The following ADGRL2 variants were observed in gnomAD, a reference collection of about 807,000 sequenced individuals.
The protein encoded by ADGRL2 is adhesion G protein-coupled receptor L2, also known as calcium-independent alpha-latrotoxin receptor 2.
Under a neutral mutation model 157.4 loss-of-function variants are expected in ADGRL2, and 44 were observed. The ratio of observed to expected loss-of-function variants is 0.28; its 90% CI spans 0.22 to 0.36. ADGRL2 has a LOEUF of 0.36. ADGRL2 is among the 10% of genes least tolerant of loss of function. The probability of loss-of-function intolerance (pLI) is 1.00; values close to 1 mark genes in which losing one functional copy is unlikely to be tolerated. For missense variants in ADGRL2, 1,510 were observed against 1,768.9 expected (o/e 0.85, Z 2.63); for synonymous variants, 585 against 624.7 (o/e 0.94, Z 0.95).
intron 3 of ADGRL2, among the ~76,000 whole-genome samples, chr1:81,628,376 G>A (rs999441167): frequency 6.6e-6 from 1 of 152,116 alleles, no homozygotes; most frequent in African/African-American, 2.4e-5. Context: ...TGGATACTTA[G>A]TAATATTTTC....
intron 2 of ADGRL2, among the ~76,000 whole-genome samples, chr1:81,782,471 T>C (rs1256310789): frequency 1.3e-5 from 2 of 152,238 alleles, no homozygotes; most frequent in Non-Finnish European, 2.9e-5. Context: ...AACTATTTCC[T>C]GCATTAGAAC....
chr1:81,563,401 G>T (rs1183351386), intron 2 of ADGRL2, among the ~76,000 whole-genome samples: 1 of 152,104 alleles, frequency 6.6e-6, no homozygotes, highest in African/African-American at 2.4e-5. Flanking sequence ...AACATTTGGG[G>T]TTAATTACCA....
intron 2 of ADGRL2, among the ~76,000 whole-genome samples, chr1:81,881,723 A>G (rs2093993684): frequency 6.6e-6 from 1 of 152,094 alleles, no homozygotes; most frequent in Non-Finnish European, 1.5e-5. Flanking sequence ...GCACCACATA[A>G]TTGAGTATTT....
chr1:81,727,748 A>G (rs570833644), intron 1 of ADGRL2, among the ~76,000 whole-genome samples: 3 of 152,172 alleles, frequency 2.0e-5, no homozygotes, highest in African/African-American at 7.2e-5. Flanking sequence ...CAATTTTTAC[A>G]TAATCATATG....
intron 3 of ADGRL2, among the ~76,000 whole-genome samples, chr1:81,635,765 G>C (rs1228485592): frequency 1.3e-5 from 2 of 152,124 alleles, no homozygotes; most frequent in East Asian, 1.9e-4. Flanking sequence ...GTGGATTTGT[G>C]GGGGGCACAT....
chr1:81,349,879 CA>C lies in ADGRL2; in HGVS notation c.-302+43377del, dbSNP rs574778953. ...GGAGGGAAAAAAAATCAAACAACAA[CA>C]AAAAAATACATTCTACAAACCTGCT... On this transcript the variant is annotated intron_variant, in intron 1 of 24. Transcript: ENST00000370721. 3.9e-5 allele frequency among the ~76,000 whole-genome samples: 6 copies of C among 152,030 alleles called. No homozygotes were observed. In the South Asian group the frequency reaches 1.2e-3, roughly 32 times the overall value.
chr1:81,736,256 A>G (rs538951594), intron 1 of ADGRL2, among the ~76,000 whole-genome samples: 3 of 152,190 alleles, frequency 2.0e-5, no homozygotes, highest in Non-Finnish European at 1.5e-5. Flanking sequence ...GTTATAATGA[A>G]TTAATGATTT....
chr1:81,506,433 G>A (rs2078977192), intron 2 of ADGRL2: 1 of 152,246 alleles, frequency 6.6e-6, no homozygotes, highest in African/African-American at 2.4e-5. Context: ...TGTTGGCCAG[G>A]CGCGGTGTAT....
At chr1:81,681,860 A>G (rs938943742) in intron 3 of ADGRL2, among the ~76,000 whole-genome samples, 7 of 152,160 alleles carry the variant, frequency 4.6e-5, no homozygotes, top group African/African-American at 1.7e-4. Context: ...CACGTCTTTA[A>G]CAGAATAGTC....
intron 3 of ADGRL2, among the ~76,000 whole-genome samples, chr1:81,907,779 T>C (rs1450695497): frequency 2.6e-5 from 4 of 152,164 alleles, no homozygotes; most frequent in East Asian, 1.9e-4. Flanking sequence ...TGAACCCACA[T>C]TGACACATAA....
chr1:81,469,476 C>G (rs2078126196), intron 2 of ADGRL2, among the ~76,000 whole-genome samples: 1 of 152,178 alleles, frequency 6.6e-6, no homozygotes, highest in South Asian at 2.1e-4. Context: ...TATACTCTTT[C>G]ATCCCCTAAA....
rs146555951 is a variant in ADGRL2 at position 81,614,097 on chromosome 1, G to A, written c.-143+33117G>A. Among the ~76,000 whole-genome samples the A allele has an allele frequency of 4.9e-4, 75 of 152,236 alleles. 1 individual carries two copies. The highest frequency in any genetic ancestry group is 1.6e-3 in the African/African-American group (67 of 41,542). ...TTCCACTTAGTTCAATACGGCAATT[G>A]TTATTGGCATAATACCTCTAAACTC... On this transcript the variant is annotated intron_variant, in intron 3 of 24. Coordinates refer to the ADGRL2 transcript ENST00000370721.
At chr1:81,572,066 A>T (rs1482525870) in intron 2 of ADGRL2, among the ~76,000 whole-genome samples, 5 of 152,260 alleles carry the variant, frequency 3.3e-5, no homozygotes, top group Non-Finnish European at 7.3e-5. Context: ...GAAAAATTAT[A>T]GAATAGAATG....
In ADGRL2 at chr1:81,465,269, A is replaced by C. The variant is rs368468297; in HGVS notation, c.-248+20180A>C. 1.7e-4 allele frequency among the ~76,000 whole-genome samples: 26 copies of C among 152,284 alleles called. No individual in the cohort carries two copies. In the East Asian group the frequency reaches 1.9e-3, roughly 11 times the overall value. On this transcript the variant is annotated intron_variant, in intron 2 of 24. Coordinates refer to the ADGRL2 transcript ENST00000370721. ...TCATTGACAATTATACTAAGTTCTG[A>C]TCTTTTTACATTTGGATTTTGAGAA...
At chr1:81,809,621 A>G (rs1170071462) in intron 1 of ADGRL2, among the ~76,000 whole-genome samples, 1 of 151,988 alleles carries the variant, frequency 6.6e-6, no homozygotes, top group African/African-American at 2.4e-5. Flanking sequence ...AGGATGCACC[A>G]TGAGGTTCCT....
At chr1:81,395,158 G>A (rs528377452) in intron 1 of ADGRL2, among the ~76,000 whole-genome samples, 16 of 152,174 alleles carry the variant, frequency 1.1e-4, no homozygotes, top group Admixed American at 2.0e-4. Flanking sequence ...TGATCCACCC[G>A]CTTTGGCCTT....
chr1:81,598,003 A>G (rs938970257), intron 3 of ADGRL2, among the ~76,000 whole-genome samples: 1 of 152,342 alleles, frequency 6.6e-6, no homozygotes, highest in African/African-American at 2.4e-5. Context: ...TGGAATATTT[A>G]TCTACCAACT....
intron 1 of ADGRL2, among the ~76,000 whole-genome samples, chr1:81,408,790 C>A (rs886180474): frequency 2.0e-5 from 3 of 152,102 alleles, no homozygotes; most frequent in African/African-American, 7.2e-5. Context: ...CTAAAGAAAA[C>A]CATAATGCAT....
Position 81,950,411 on chromosome 1 carries a change from C to T in ADGRL2, c.1433C>T (p.Ser478Phe). The T allele has an allele frequency of 6.2e-7, 1 of 1,613,952 alleles. No homozygotes were observed. Among genetic ancestry groups the T allele is most frequent in the Non-Finnish European group, 8.5e-7 (1 of 1,179,902 alleles). ...GAGAGATTCTGTGAAGCATTAGACT[C>T]CAAGGGGATAAAGTGGCCTCAGACA... ...LPERFCEALD[S>F]KGIKWPQTQR... is the part of the protein sequence containing the mutation. Residue 478 changes from serine (S) to phenylalanine (F), a missense_variant, in exon 7 of 24, where the codon TCC becomes TTC. By Grantham distance (155) the Ser-to-Phe change is radical. This residue lies in a region of ADGRL2 where 325 missense variants were observed against 333.2 expected (regional missense o/e 0.98). Coordinates refer to ENST00000686636, the MANE Select transcript of ADGRL2 (RefSeq NM_001366006.2).
Sources: gnomAD v4.1 joint callset for allele counts (sites outside exome capture counted in the v4.1 genomes callset) on GRCh38, gnomAD v4.1.1 for gene constraint, gnomAD v4.1.1 regional missense constraint, MANE v1.5 for transcripts, NCBI Gene and HGNC (gene_info 2026-07-23, HGNC 2026-07-21) for gene names.